Variants in CCDC141 observed in about 807,000 individuals in gnomAD.
CCDC141 encodes the protein coiled-coil domain-containing protein 141.
In CCDC141, 168 loss-of-function variants were observed where a neutral mutation model predicts 181.0. The observed-to-expected ratio is 0.93, with a 90% confidence interval of 0.82 to 1.05. The LOEUF (loss-of-function observed/expected upper bound fraction) is 1.05, where lower values mean the gene tolerates loss of function less well. Ranked by LOEUF, CCDC141 falls within the 50% of genes least tolerant of loss-of-function variation. The probability of loss-of-function intolerance (pLI) is 0.00; values close to 1 mark genes in which losing one functional copy is unlikely to be tolerated. For missense variants in CCDC141, 1,902 were observed against 1,788.5 expected (o/e 1.06, Z -1.14); for synonymous variants, 666 against 642.3 (o/e 1.04, Z -0.56).
At chr2:179,026,500 C>T (rs1025755614) in intron 2 of CCDC141, among the ~76,000 whole-genome samples, 2 of 152,224 alleles carry the variant, frequency 1.3e-5, no homozygotes, top group African/African-American at 4.8e-5. Context: ...ATGGAAACAC[C>T]TGGATGTCCA....
intron 2 of CCDC141, among the ~76,000 whole-genome samples, chr2:179,036,100 C>T (rs2154387406): frequency 6.6e-6 from 1 of 152,264 alleles, no homozygotes; most frequent in South Asian, 2.1e-4. Flanking sequence ...TTTCAAAGGC[C>T]CATCAGCCTC....
At chr2:178,938,181 T>C (rs751666936) in intron 6 of CCDC141, among the ~76,000 whole-genome samples, 1 of 152,120 alleles carries the variant, frequency 6.6e-6, no homozygotes, top group East Asian at 1.9e-4. Context: ...CATTCTAACT[T>C]CTTGATGTTA....
At chr2:178,877,913 C>G in intron 12 of CCDC141, 51 bp downstream of exon 12, 1 of 1,506,424 alleles carries the variant, frequency 6.6e-7, no homozygotes. Flanking sequence ...ATTATTTTGA[C>G]TTTGATGAGT....
At position 178,850,083 on chromosome 2, in the gene CCDC141, C is replaced by T. The variant is rs770057459; in HGVS notation, c.3323G>A (p.Cys1108Tyr). 1.2e-6 allele frequency: 2 copies of T among 1,608,606 alleles called. No individual in the cohort carries two copies. The highest frequency in any genetic ancestry group is 1.7e-6 in the Non-Finnish European group (2 of 1,176,310). ...KEVLESVTEL[C>Y]ESLTELEEKL... The stretch of plus-strand genomic sequence containing the variant: ...TTCTTCGAGCTCTGTGAGGGACTCA[C>T]ATAATTCAGTCACAGATTCAAGAAC... Residue 1108 changes from cysteine (C) to tyrosine (Y), a missense_variant, in exon 21 of 24, where the codon TGT (cysteine) becomes TAT (tyrosine). Cys to Tyr is a radical substitution (Grantham distance 194, BLOSUM62 -2). Coordinates refer to ENST00000443758, the MANE Select transcript of CCDC141 (RefSeq NM_173648.4).
At chr2:178,823,689 T>A in the CCDC141 span, among the ~76,000 whole-genome samples, 11 of 152,316 alleles carry the variant, frequency 7.2e-5, no homozygotes, top group East Asian at 2.1e-3. Flanking sequence ...ATAATTCTTT[T>A]TGGTTTGCTA....
chr2:178,874,234 T>C (rs1331246697), intron 12 of CCDC141: 1 of 152,224 alleles, frequency 6.6e-6, no homozygotes, highest in East Asian at 1.9e-4. Flanking sequence ...TCTCCAAATG[T>C]TGCTAACCAA....
chr2:179,020,747 C>T (rs1226480713), intron 2 of CCDC141, among the ~76,000 whole-genome samples: 1 of 152,090 alleles, frequency 6.6e-6, no homozygotes, highest in East Asian at 1.9e-4. Context: ...AGTAAGTATG[C>T]ATGCATTTAT....
chr2:179,041,234 G>A (rs747537101), intron 2 of CCDC141, among the ~76,000 whole-genome samples: 8 of 152,066 alleles, frequency 5.3e-5, no homozygotes, highest in Admixed American at 4.6e-4. Context: ...GGGACTACAG[G>A]CGCCCACCAC....
At chr2:179,041,217 A>C (rs2043290745) in intron 2 of CCDC141, among the ~76,000 whole-genome samples, 2 of 152,120 alleles carry the variant, frequency 1.3e-5, no homozygotes, top group South Asian at 4.1e-4. Flanking sequence ...CAGCCTCCAG[A>C]GTAGCTGGGA....
intron 2 of CCDC141, among the ~76,000 whole-genome samples, chr2:178,989,641 T>A (rs539664050): frequency 2.7e-5 from 4 of 146,042 alleles, no homozygotes; most frequent in South Asian, 4.3e-4. Context: ...AATAAATAAA[T>A]AAAACAATAG....
intron 22 of CCDC141, among the ~76,000 whole-genome samples, chr2:178,843,618 T>C (rs1226897154): frequency 6.6e-6 from 1 of 152,216 alleles, no homozygotes; most frequent in African/African-American, 2.4e-5. Flanking sequence ...AATCCCTGCA[T>C]TGAATATATT....
At chr2:178,909,701 C>T (rs999114781) in intron 7 of CCDC141, among the ~76,000 whole-genome samples, 2 of 152,150 alleles carry the variant, frequency 1.3e-5, no homozygotes, top group African/African-American at 4.8e-5. Context: ...TTTCTATTTA[C>T]CATACCCATA....
chr2:178,857,697 T>TA (rs760881234), intron 17 of CCDC141, among the ~76,000 whole-genome samples: 1 of 152,156 alleles, frequency 6.6e-6, no homozygotes, highest in Non-Finnish European at 1.5e-5. Context: ...TCTCAGATTA[T>TA]ATGGAGGCAT....
intron 2 of CCDC141, among the ~76,000 whole-genome samples, chr2:179,001,348 G>T (rs1304372110): frequency 6.6e-6 from 1 of 151,798 alleles, no homozygotes; most frequent in African/African-American, 2.4e-5. Flanking sequence ...GTGTAGTCTT[G>T]GGAGTATCAC....
At chr2:178,858,479 A>C (rs988232951) in intron 17 of CCDC141, among the ~76,000 whole-genome samples, 3 of 152,166 alleles carry the variant, frequency 2.0e-5, no homozygotes, top group Admixed American at 2.0e-4. Context: ...GTTTTAAAAA[A>C]CATCTCAATA....
intron 8 of CCDC141, among the ~76,000 whole-genome samples, chr2:178,893,324 T>C (rs1367442848): frequency 6.6e-6 from 1 of 152,116 alleles, no homozygotes; most frequent in Non-Finnish European, 1.5e-5. Flanking sequence ...TTGCATTTGT[T>C]GTAAATTGGG....
chr2:178,974,290 C>G (rs555223866), intron 4 of CCDC141, among the ~76,000 whole-genome samples: 7 of 152,130 alleles, frequency 4.6e-5, no homozygotes, highest in Non-Finnish European at 1.0e-4. Context: ...ATTCAAGAAA[C>G]CTTTCTATCC....
rs148579179 is a variant in CCDC141 at position 178,837,059 on chromosome 2, A to G, written c.4160T>C (p.Val1387Ala). 1.5e-4 allele frequency: 247 copies of G among 1,613,968 alleles called. 1 individual carries two copies. In the African/African-American group the frequency reaches 2.7e-3, roughly 18 times the overall value. The change falls in exon 23 of 24, where the codon GTT becomes GCT. Residue 1387 changes from valine (V) to alanine (A), a missense_variant. Transcript: ENST00000443758. ...TGTGCTTTTAATCTCTTCTCGAGGA[A>G]CCATTTGCCTCTGATAGCCCCTGCT... Reference protein sequence around the residue: ...GTSRGYQRQMVPREEIKSTSA... With the variant: ...GTSRGYQRQMAPREEIKSTSA...
rs550961437 is a variant in CCDC141 at position 178,918,741 on chromosome 2, G to A, written c.1064C>T (p.Ala355Val). 6.5e-6 allele frequency: 10 copies of A among 1,550,212 alleles called. No individual in the cohort carries two copies. In the African/African-American group the frequency reaches 9.6e-5, roughly 15 times the overall value. ...GTTAGCACTGTTAAAAAATTCATTC[G>A]CCTTCTTTAACCAGGTATTCCTTTC... ...MVERNTWLKK[A>V]NEFFNSANKA... The change falls in exon 7 of 24, where the codon GCG becomes GTG. Residue 355 changes from alanine (A) to valine (V), a missense_variant. Ala to Val is a moderately conservative substitution (Grantham distance 64). Coordinates refer to ENST00000443758, the MANE Select transcript of CCDC141 (RefSeq NM_173648.4).
Sources: allele counts gnomAD v4.1 joint callset (sites outside exome capture counted in the v4.1 genomes callset), GRCh38; gene constraint gnomAD v4.1.1; transcripts MANE v1.5; gene names NCBI Gene and HGNC (gene_info 2026-07-23, HGNC 2026-07-21).